Variants in ADAMTS13 observed in about 807,000 individuals in gnomAD.
ADAMTS13 encodes the protein A disintegrin and metalloproteinase with thrombospondin motifs 13.
A neutral mutation model predicts 155.1 loss-of-function variants in ADAMTS13; 110 were observed. The observed-to-expected ratio is 0.71, with a 90% confidence interval of 0.61 to 0.83. ADAMTS13 has a LOEUF of 0.83. Ranked by LOEUF, ADAMTS13 falls within the 40% of genes least tolerant of loss-of-function variation. The probability of loss-of-function intolerance (pLI) is 0.00; values close to 1 mark genes in which losing one functional copy is unlikely to be tolerated. For synonymous variants in ADAMTS13, 758 were observed against 756.4 expected, an observed-to-expected ratio of 1.00 and a Z score of -0.03; for missense variants, 1,707 against 1,891.7, an observed-to-expected ratio of 0.90 and a Z score of 1.81.
At chr9:133,443,344 C>G in intron 18 of ADAMTS13, 32 bp from the exon 19 acceptor site, 2 of 1,574,488 alleles carry the variant, frequency 1.3e-6, no homozygotes, top group Non-Finnish European at 1.7e-6. Flanking sequence ...TGGGACCTGG[C>G]CAGGGTCCCG....
chr9:133,451,166 C>T (rs185014625), intron 23 of ADAMTS13, among the ~76,000 whole-genome samples: 31 of 152,312 alleles, frequency 2.0e-4, no homozygotes, highest in African/African-American at 6.3e-4. Context: ...CATACAGAAA[C>T]GTCCAGAAAA....
In ADAMTS13 at chr9:133,438,444, G is replaced by A. The variant is rs911059420; in HGVS notation, c.1705+78G>A. 1.5e-5 allele frequency: 24 copies of A among 1,588,562 alleles called. No individual in the cohort carries two copies. The South Asian group carries it at 2.7e-4, about 18-fold the overall frequency. ...GCCACAGCCCAGAGCGTTGGTGCAG[G>A]GGCTGCTCAGGTCACAGGGCCTGCA... On this transcript the variant is annotated intron_variant, in intron 14 of 28. Transcript: ENST00000355699.
In ADAMTS13 at chr9:133,449,946, C is replaced by T; in HGVS notation, c.3025C>T (p.Leu1009=). The T allele has an allele frequency of 1.2e-6, 2 of 1,606,262 alleles. No homozygotes were observed. The highest frequency in any genetic ancestry group is 1.7e-6 in the Non-Finnish European group (2 of 1,177,740). The change falls in exon 23 of 29, where the codon CTG becomes TTG. Residue 1009 remains leucine, a synonymous_variant. Transcript: ENST00000355699. ...PRPEPQEACS[L]EPCPPRWKVM... ...CCCGGAACCCCAGGAGGCCTGCAGC[C>T]TGGAGCCCTGCCCACCTAGGTGAGT... is the stretch of plus-strand genomic sequence containing the variant.
rs1012359658 is a variant in ADAMTS13 at position 133,425,024 on chromosome 9, G to A, written c.331-505G>A. 2.6e-5 allele frequency among the ~76,000 whole-genome samples: 4 copies of A among 152,070 alleles called. No homozygotes were observed. The highest frequency in any genetic ancestry group is 2.1e-4 in the South Asian group (1 of 4,824). ...GGGAAGCACTCCCCCACTAGCCGCC[G>A]TCTCAGAAAGACAAACAAGGCCAGG... is the stretch of plus-strand genomic sequence containing the variant. On this transcript the variant is annotated intron_variant, in intron 3 of 28. Coordinates refer to ENST00000355699, the MANE Select transcript of ADAMTS13 (RefSeq NM_139027.6). The surrounding 1 kb of genome is among the most constrained non-coding windows in gnomAD (Gnocchi z 4.6).
chr9:133,435,852 T>C (rs906024309), intron 11 of ADAMTS13, among the ~76,000 whole-genome samples: 4 of 152,152 alleles, frequency 2.6e-5, no homozygotes, highest in Non-Finnish European at 4.4e-5. Context: ...TTAAAGAAAC[T>C]GCCAAACCGT....
At chr9:133,444,147 G>A (rs1372204168) in intron 19 of ADAMTS13, among the ~76,000 whole-genome samples, 5 of 152,122 alleles carry the variant, frequency 3.3e-5, no homozygotes, top group Admixed American at 1.3e-4. Flanking sequence ...GGCCAGATAG[G>A]GCCTCAGAAT....
rs782540244 is a variant in ADAMTS13 at position 133,437,798 on chromosome 9, C to G, written c.1485C>G (p.Ile495Met). Reference protein sequence around the residue: ...HMCRAIGESFIMKRGDSFLDG... With the variant: ...HMCRAIGESFMMKRGDSFLDG... ...GCCGGGCCATTGGCGAGAGCTTCAT[C>G]ATGAAGCGTGGAGACAGCTTCCTCG... Residue 495 changes from isoleucine to methionine, a missense_variant, in exon 13 of 29, where the codon ATC (isoleucine) becomes ATG (methionine). Physicochemically the swap from Ile to Met is conservative, Grantham distance 10. Around this residue, in one of 3 missense-constraint regions of ADAMTS13, gnomAD observed 733 missense variants for 749.6 expected, o/e 0.98. Coordinates refer to ENST00000355699, the MANE Select transcript of ADAMTS13 (RefSeq NM_139027.6). 1.2e-6 allele frequency: 2 copies of G among 1,614,000 alleles called. No individual in the cohort carries two copies. The highest frequency in any genetic ancestry group is 1.7e-6 in the Non-Finnish European group (2 of 1,180,046).
chr9:133,458,085 C>A lies in ADAMTS13; in HGVS notation c.3900C>A (p.Ser1300Arg). 6.2e-7 allele frequency: 1 copy of A among 1,613,376 alleles called. No individual in the cohort carries two copies. Among genetic ancestry groups the A allele is most frequent in the Non-Finnish European group, 8.5e-7 (1 of 1,179,994 alleles). ...MGAGTEGANA[S>R]YILIRDTHSL... ...CTGGGACCGAGGGAGCCAATGCCAG[C>A]TACATCTTGGTGAGGCCCAGCATGG... is the stretch of plus-strand genomic sequence containing the variant. The change falls in exon 28 of 29, where the codon AGC becomes AGA. Residue 1300 changes from serine to arginine, a missense_variant. Transcript: ENST00000355699.
intron 23 of ADAMTS13, among the ~76,000 whole-genome samples, chr9:133,452,439 A>G (rs2130927492): frequency 1.3e-5 from 2 of 152,198 alleles, no homozygotes; most frequent in South Asian, 4.1e-4. Context: ...CTTTATAACC[A>G]TTTAACATCT....
chr9:133,458,498 C>G (rs1842876913), intron 28 of ADAMTS13, among the ~76,000 whole-genome samples: 1 of 127,140 alleles, frequency 7.9e-6, no homozygotes, highest in South Asian at 2.7e-4. Flanking sequence ...GGAGGTTGCA[C>G]TAAGCCCAGA....
At position 133,449,831 on chromosome 9, in the gene ADAMTS13, C is replaced by T. The variant is rs28641026; in HGVS notation, c.2910C>T (p.Val970=). 0.037 allele frequency: 59,617 copies of T among 1,613,948 alleles called. 1,344 individuals carry two copies. Among genetic ancestry groups the T allele is most frequent in the Non-Finnish European group, 0.041 (48,426 of 1,179,998 alleles). The change falls in exon 23 of 29, where the codon GTC becomes GTT. Residue 970 remains valine (V), a synonymous_variant. Transcript: ENST00000355699. Reference sequence around the variant, plus strand: ...GCAGCGTGAGCTGTGGGAGAGGGGTCGTGCGGAGGATCCTGTATTGTGCCC... The same window carrying T: ...GCAGCGTGAGCTGTGGGAGAGGGGTTGTGCGGAGGATCCTGTATTGTGCCC... The part of the protein sequence containing the change: ...AACSVSCGRG[V]VRRILYCARA...
At chr9:133,414,813 C>A (rs781806472) in intron 1 of ADAMTS13, 5 of 1,614,078 alleles carry the variant, frequency 3.1e-6, no homozygotes, top group Non-Finnish European at 4.2e-6. Context: ...GGTACTGGCG[C>A]CCTCCTGTCC....
chr9:133,429,651 C>A (rs1840583675), intron 7 of ADAMTS13: 1 of 621,040 alleles, frequency 1.6e-6, no homozygotes, highest in Non-Finnish European at 3.0e-6. Context: ...CCCTTCCCGC[C>A]GACCGCACCG....
upstream of ADAMTS13, among the ~76,000 whole-genome samples, chr9:133,418,647 AT>A (rs1156871563): frequency 6.6e-6 from 1 of 152,168 alleles, no homozygotes; most frequent in Non-Finnish European, 1.5e-5. Context: ...GTCGTGATCG[AT>A]TGAGCAAGCA....
chr9:133,435,733 C>T (rs1159954871), intron 11 of ADAMTS13, among the ~76,000 whole-genome samples: 1 of 151,716 alleles, frequency 6.6e-6, no homozygotes, highest in Non-Finnish European at 1.5e-5. Context: ...GGGGTTTCAC[C>T]ATGTTAGCCG....
At chr9:133,414,750 T>C (rs1554781148) in intron 1 of ADAMTS13, 1 of 1,614,162 alleles carries the variant, frequency 6.2e-7, no homozygotes, top group Admixed American at 1.7e-5. Context: ...TCACCATTTG[T>C]CCTTTCCTTG....
In ADAMTS13 at chr9:133,433,488, A is replaced by C; in HGVS notation, c.1203A>C (p.Gly401=). 1 of 1,613,424 alleles carries C rather than the reference A, an allele frequency of 6.2e-7. No homozygotes were observed. Among genetic ancestry groups the C allele is most frequent in the Non-Finnish European group, 8.5e-7 (1 of 1,179,838 alleles). Residue 401 remains glycine (G), a synonymous_variant, in exon 10 of 29, where the codon GGA becomes GGC. Coordinates refer to ENST00000355699, the MANE Select transcript of ADAMTS13 (RefSeq NM_139027.6). ...GAAGTCCTTGCTCCCGCTCCTGCGG[A>C]GGAGGTGTGGTCACCAGGAGGCGGC... The part of the protein sequence containing the change: ...GPRSPCSRSC[G]GGVVTRRRQC...
chr9:133,423,151 T>C lies in ADAMTS13; in HGVS notation c.156T>C (p.Pro52=). The change falls in exon 2 of 29, where the codon CCT becomes CCC. Residue 52 remains proline, a synonymous_variant. Transcript: ENST00000355699. ...AGGCCGTGTCTTCTTACTTGAGCCC[T>C]GGTGCTCCCTTAAAAGGTACTTGTC... ...EPQAVSSYLS[P]GAPLKGRPPS... is the part of the protein sequence containing the mutation. The C allele has an allele frequency of 6.2e-7, 1 of 1,614,020 alleles. No individual in the cohort carries two copies. The highest frequency in any genetic ancestry group is 8.5e-7 in the Non-Finnish European group (1 of 1,179,968).
chr9:133,417,889 G>C, upstream of ADAMTS13: 2 of 1,555,286 alleles, frequency 1.3e-6, no homozygotes, highest in Non-Finnish European at 1.7e-6. Context: ...CCGAGACCCC[G>C]GCCTCCCCGG....
Sources: allele counts gnomAD v4.1 joint callset (sites outside exome capture counted in the v4.1 genomes callset), GRCh38; gene constraint gnomAD v4.1.1; regional missense constraint gnomAD v4.1.1; non-coding constraint Gnocchi (gnomAD v3.1); transcripts MANE v1.5; gene names NCBI Gene and HGNC (gene_info 2026-07-23, HGNC 2026-07-21).